The following MACC1 variants were observed in gnomAD, a reference collection of about 807,000 sequenced individuals.
The protein encoded by MACC1 is MET transcriptional regulator MACC1.
MACC1 carries 79 observed loss-of-function variants against 70.7 expected under a neutral mutation model. The ratio of observed to expected loss-of-function variants is 1.12; its 90% CI spans 0.93 to 1.35. MACC1 has a LOEUF of 1.35. Ranked by LOEUF, MACC1 falls within the 40% of genes most tolerant of loss-of-function variation. The pLI is 0.00. For missense variants in MACC1, 1,106 were observed against 978.1 expected (o/e 1.13, Z -1.74); for synonymous variants, 361 against 347.2 (o/e 1.04, Z -0.44).
At chr7:20,209,257 A>C (rs1296125537) in intron 1 of MACC1, among the ~76,000 whole-genome samples, 1 of 152,196 alleles carries the variant, frequency 6.6e-6, no homozygotes, top group Non-Finnish European at 1.5e-5. Flanking sequence ...AAATCTACTG[A>C]CATTTTGTAC....
At position 20,205,649 on chromosome 7, in the gene MACC1, C is replaced by T. The variant is rs143012871; in HGVS notation, c.-218+11650G>A. On this transcript the variant is annotated intron_variant, in intron 1 of 6. Coordinates refer to ENST00000400331, the MANE Select transcript of MACC1 (RefSeq NM_182762.4). ...CATTCTTCCCTGTTTTCTGTGGTGG[C>T]TCCTCCTGTGATATCTGTTTATTTA... 4.9e-3 allele frequency among the ~76,000 whole-genome samples: 742 copies of T among 152,264 alleles called. 9 individuals are homozygous for T. Among genetic ancestry groups the T allele is most frequent in the African/African-American group, 0.017 (700 of 41,556 alleles).
intron 1 of MACC1, among the ~76,000 whole-genome samples, chr7:20,174,750 T>C (rs1265704901): frequency 6.6e-6 from 1 of 152,134 alleles, no homozygotes; most frequent in African/African-American, 2.4e-5. Context: ...GAATGCAAAA[T>C]AATGTTCACA....
intron 5 of MACC1, 112 bp from the exon 6 acceptor site, chr7:20,154,493 C>T: frequency 1.9e-6 from 2 of 1,078,166 alleles, no homozygotes; most frequent in Non-Finnish European, 1.3e-6. Flanking sequence ...TTTTTCACTA[C>T]ACGTATAATC....
intron 6 of MACC1, chr7:20,150,602 C>T (rs983705155): frequency 6.6e-6 from 1 of 152,024 alleles, no homozygotes; most frequent in African/African-American, 2.4e-5. Flanking sequence ...GAGTAATTTC[C>T]GAGACGAAAA....
At chr7:20,193,392 G>C (rs1782700921) in intron 1 of MACC1, among the ~76,000 whole-genome samples, 1 of 152,174 alleles carries the variant, frequency 6.6e-6, no homozygotes, top group East Asian at 1.9e-4. Context: ...TATATAAACT[G>C]TGATTACAGT....
intron 2 of MACC1, among the ~76,000 whole-genome samples, chr7:20,168,417 A>G (rs993582081): frequency 6.6e-6 from 1 of 152,336 alleles, no homozygotes; most frequent in South Asian, 2.1e-4. Flanking sequence ...TTGGCTCTCC[A>G]CTTTCTGAAA....
intron 5 of MACC1, among the ~76,000 whole-genome samples, chr7:20,157,620 T>TAA (rs377372670): frequency 2.2e-5 from 3 of 137,480 alleles, no homozygotes; most frequent in Admixed American, 7.2e-5. Context: ...ACTCATCCCT[T>TAA]AAAAAAAAAA....
At chr7:20,207,252 T>C (rs189599882) in intron 1 of MACC1, among the ~76,000 whole-genome samples, 6 of 152,102 alleles carry the variant, frequency 3.9e-5, no homozygotes, top group Non-Finnish European at 7.4e-5. Flanking sequence ...GCGATTCTCC[T>C]ATCTCAGCCT....
intron 2 of MACC1, among the ~76,000 whole-genome samples, chr7:20,168,803 C>G: frequency 6.6e-6 from 1 of 152,202 alleles, no homozygotes; most frequent in Non-Finnish European, 1.5e-5. Flanking sequence ...TTCCTCTCAA[C>G]AGAGTTTCCC....
intron 6 of MACC1, among the ~76,000 whole-genome samples, chr7:20,149,998 G>A (rs553675103): frequency 5.3e-5 from 8 of 152,264 alleles, no homozygotes; most frequent in Admixed American, 4.6e-4. Flanking sequence ...TATATGTAAA[G>A]AGCAGATGGC....
intron 4 of MACC1, among the ~76,000 whole-genome samples, chr7:20,160,736 G>A (rs907923441): frequency 1.3e-5 from 2 of 151,870 alleles, no homozygotes; most frequent in African/African-American, 4.8e-5. Context: ...AGATAATATT[G>A]AATATGTAGA....
At chr7:20,154,420 A>G in intron 5 of MACC1, 39 bp from the exon 6 acceptor site, 1 of 1,574,648 alleles carries the variant, frequency 6.4e-7, no homozygotes, top group East Asian at 2.3e-5. Context: ...AAAGCAACTA[A>G]CTTGGGCTTT....
chr7:20,143,011 T>C (rs996417282), intron 6 of MACC1, among the ~76,000 whole-genome samples: 1 of 152,192 alleles, frequency 6.6e-6, no homozygotes, highest in Non-Finnish European at 1.5e-5. Context: ...AGTAGATTAG[T>C]GTAAAGCATC....
At chr7:20,153,933 C>T (rs1270557393) in intron 6 of MACC1, among the ~76,000 whole-genome samples, 1 of 152,082 alleles carries the variant, frequency 6.6e-6, no homozygotes, top group Admixed American at 6.6e-5. Context: ...CCAATTTGAT[C>T]AATTAATTCA....
intron 2 of MACC1, among the ~76,000 whole-genome samples, chr7:20,166,560 G>T (rs910995819): frequency 1.3e-5 from 2 of 152,142 alleles, no homozygotes; most frequent in Non-Finnish European, 2.9e-5. Flanking sequence ...TACTTCAAGT[G>T]TTGCAGCTGA....
In MACC1 at chr7:20,199,539, A is replaced by C. The variant is rs115134948; in HGVS notation, c.-218+17760T>G. On this transcript the variant is annotated intron_variant, in intron 1 of 6. Coordinates refer to ENST00000400331, the MANE Select transcript of MACC1 (RefSeq NM_182762.4). ...CTGAAACCAACCTGCCCTCTCCAAC[A>C]CCACTATCCTCCACCCACACCCTTG... Among the ~76,000 whole-genome samples the C allele has an allele frequency of 7.5e-3, 1,136 of 152,332 alleles. 20 individuals are homozygous for C. The highest frequency in any genetic ancestry group is 0.026 in the African/African-American group (1,094 of 41,572).
rs906461432 is a variant in MACC1 at position 20,138,222 on chromosome 7, T to C, written c.*2724A>G. On this transcript the variant is annotated 3_prime_UTR_variant, in exon 7 of 7. Transcript: ENST00000400331. ...ATTTGTTACAAGATTATAAAATATA[T>C]TTGTGTGTATTAATATTAGAACCAT... The C allele has an allele frequency of 2.6e-5, 4 of 151,672 alleles. No homozygotes were observed. The highest frequency in any genetic ancestry group is 2.6e-4 in the Admixed American group (4 of 15,208). The allele number at this position is 151,672 out of a possible 1,614,324, so 9.4% of individuals were successfully genotyped here. A position where few individuals can be genotyped will look rare whatever the true frequency, so the allele number is the denominator to read the frequency against.
chr7:20,169,448 G>C (rs776311354), intron 2 of MACC1, among the ~76,000 whole-genome samples: 1 of 152,190 alleles, frequency 6.6e-6, no homozygotes, highest in South Asian at 2.1e-4. Context: ...TGGACAAGAC[G>C]TGGGTTTATA....
At chr7:20,154,905 A>G (rs2128101995) in intron 5 of MACC1, among the ~76,000 whole-genome samples, 2 of 152,138 alleles carry the variant, frequency 1.3e-5, no homozygotes, top group Middle Eastern at 3.4e-3. Context: ...CTGTGTTTAA[A>G]AAAAAGAGAC....
Sources: allele counts gnomAD v4.1 joint callset (sites outside exome capture counted in the v4.1 genomes callset), GRCh38; gene constraint gnomAD v4.1.1; transcripts MANE v1.5; gene names NCBI Gene and HGNC (gene_info 2026-07-23, HGNC 2026-07-21).